MAN2B1: variants seen among roughly 807,000 people sequenced by gnomAD.
MAN2B1 encodes the protein mannosidase alpha class 2B member 1, also known as lysosomal alpha-mannosidase.
MAN2B1 carries 99 observed loss-of-function variants against 127.5 expected under a neutral mutation model. The ratio of observed to expected loss-of-function variants is 0.78; its 90% CI spans 0.66 to 0.92. The LOEUF (loss-of-function observed/expected upper bound fraction) is 0.92. Ranked by LOEUF, MAN2B1 falls within the 40% of genes least tolerant of loss-of-function variation. The pLI is 0.00. For missense variants in MAN2B1, 1,304 were observed against 1,384.8 expected, an observed-to-expected ratio of 0.94 and a Z score of 0.93; for synonymous variants, 573 against 568.8, an observed-to-expected ratio of 1.01 and a Z score of -0.11.
chr19:12,647,466 C>T lies in MAN2B1; in HGVS notation c.2797G>A (p.Ala933Thr), dbSNP rs762841449. 3.1e-6 allele frequency: 5 copies of T among 1,614,206 alleles called. No individual in the cohort carries two copies. Among genetic ancestry groups the T allele is most frequent in the Non-Finnish European group, 4.2e-6 (5 of 1,180,044 alleles). Residue 933 changes from alanine to threonine, a missense_variant, in exon 22 of 24, where the codon GCC becomes ACC. Physicochemically the swap from Ala to Thr is moderately conservative, Grantham distance 58 (BLOSUM62 0). Transcript: ENST00000456935. This position sits in a 1 kb window ranked among gnomAD's most constrained non-coding sequence, Gnocchi z 4.9. Reference protein sequence around the residue: ...VGEDSGRNLSAPVTLNLRDLF... With the variant: ...VGEDSGRNLSTPVTLNLRDLF... ...ACCCTCAAGTTCAAGGTAACGGGGG[C>T]GCTCAGGTTACGTCCGGAATCCTCT... is the stretch of plus-strand genomic sequence containing the variant.
intron 10 of MAN2B1, 93 bp downstream of exon 10, chr19:12,657,954 CAAAAAAAAAAAAAAAA>C (rs35296973): frequency 6.2e-6 from 3 of 485,778 alleles, no homozygotes; most frequent in East Asian, 5.0e-5. Flanking sequence ...GACTCCGTCT[CAAAAAAAAAAAAAAAA>C]AAAAAAAAAA....
At position 12,656,564 on chromosome 19, in the gene MAN2B1, G is replaced by T; in HGVS notation, c.1644+7C>A. The T allele has an allele frequency of 6.2e-7, 1 of 1,605,200 alleles. No homozygotes were observed. Among genetic ancestry groups the T allele is most frequent in the Non-Finnish European group, 8.5e-7 (1 of 1,171,940 alleles). The stretch of plus-strand genomic sequence containing the variant: ...CCAGCGGGGGAATATTCGTTGTTTG[G>T]GCTCACATCGCTGGGCACTGTCCTG... On this transcript the variant is annotated splice_region_variant and intron_variant, in intron 13 of 23. Coordinates refer to ENST00000456935, the MANE Select transcript of MAN2B1 (RefSeq NM_000528.4).
At position 12,649,171 on chromosome 19, in the gene MAN2B1, C is replaced by A. The variant is rs142702682; in HGVS notation, c.2401G>T (p.Gly801Cys). ...AGCGAGCCATCTCTCAGGCTGCTGC[C>A]CCCCTGGGAGCGGTCAGTCAGCACA... Reference protein sequence around the residue: ...LTVLTDRSQGGSSLRDGSLEL... With the variant: ...LTVLTDRSQGCSSLRDGSLEL... Residue 801 changes from glycine (G) to cysteine (C), a missense_variant, in exon 20 of 24, where the codon GGC becomes TGC. Transcript: ENST00000456935. The A allele has an allele frequency of 3.8e-4, 616 of 1,612,658 alleles. 2 individuals carry two copies. The highest frequency in any genetic ancestry group is 4.0e-4 in the Non-Finnish European group (468 of 1,179,994).
chr19:12,663,921 A>G, intron 4 of MAN2B1, 86 bp from the exon 5 acceptor site: 2 of 1,566,036 alleles, frequency 1.3e-6, no homozygotes, highest in East Asian at 2.2e-5. Flanking sequence ...GGGGCAGGTC[A>G]GAGCACAGGT....
chr19:12,654,345 C>A (rs973960537), intron 14 of MAN2B1, among the ~76,000 whole-genome samples: 40 of 152,172 alleles, frequency 2.6e-4, no homozygotes, highest in African/African-American at 3.1e-4. Context: ...CCCGGCCCCC[C>A]CAACCTTATT....
intron 11 of MAN2B1, 35 bp from the exon 12 acceptor site, chr19:12,657,091 G>C (rs780659522): frequency 7.6e-7 from 1 of 1,316,344 alleles, no homozygotes; most frequent in Admixed American, 1.8e-5. Context: ...GTGGGTTCAG[G>C]ACGCCAGGCC....
chr19:12,653,479 C>T (rs1219810662), intron 14 of MAN2B1, among the ~76,000 whole-genome samples: 1 of 151,562 alleles, frequency 6.6e-6, no homozygotes, highest in Non-Finnish European at 1.5e-5. Context: ...TTTTTTAGGG[C>T]CGAGCGTGGT....
chr19:12,650,181 C>T lies in MAN2B1; in HGVS notation c.2088G>A (p.Trp696Ter), dbSNP rs764376758. The change falls in exon 17 of 24, where the codon TGG becomes TGA. Residue 696 changes from tryptophan (W) to a stop codon, truncating the protein, a stop_gained. Transcript: ENST00000456935. LOFTEE classifies it high-confidence loss of function. The part of the protein sequence containing the change: ...VQEVHQNFSA[W>*]CSQVVRLYPG... ...GGTACAGGCGAACCACCTGGGAACA[C>T]CAAGCTGAGAAGTTCTGGTGCACCT... 6.2e-7 allele frequency: 1 copy of T among 1,614,016 alleles called. No individual in the cohort carries two copies.
chr19:12,650,219 G>T lies in MAN2B1; in HGVS notation c.2050C>A (p.Pro684Thr), dbSNP rs2023810273. 1 of 1,605,728 alleles carries T rather than the reference G, an allele frequency of 6.2e-7. No individual in the cohort carries two copies. The highest frequency in any genetic ancestry group is 8.5e-7 in the Non-Finnish European group (1 of 1,172,814). Residue 684 changes from proline (P) to threonine (T), a missense_variant, in exon 17 of 24, where the codon CCC (proline) becomes ACC (threonine). Pro to Thr is a conservative substitution (Grantham distance 38). Transcript: ENST00000456935. ...RWAQIHLVKT[P>T]LVQEVHQNFS... is the part of the protein sequence containing the mutation. ...TTCTGGTGCACCTCCTGCACCAAGG[G>T]TGTCTGCGGGCACACGGGTGAGGTG... is the stretch of plus-strand genomic sequence containing the variant.
intron 6 of MAN2B1, 46 bp from the exon 7 acceptor site, chr19:12,661,422 C>A: frequency 8.0e-7 from 1 of 1,245,730 alleles, no homozygotes; most frequent in Non-Finnish European, 1.2e-6. Flanking sequence ...CCTGGGCCAT[C>A]CCTGTGTATA....
rs755681471 is a variant in MAN2B1, at chr19:12,647,583, T to A, written c.2680A>T (p.Arg894Trp). The change falls in exon 22 of 24, where the codon AGG (arginine) becomes TGG (tryptophan). Residue 894 changes from arginine to tryptophan, a missense_variant. Transcript: ENST00000456935. This position sits in a 1 kb window ranked among gnomAD's most constrained non-coding sequence, Gnocchi z 4.9. ...PPRTQFSGLR[R>W]DLPPSVHLLT... is the part of the protein sequence containing the mutation. ...AGGTGCACCGAGGGCGGCAGGTCCC[T>A]GCGCAGCCCTGAGAACTGCGGGAGA... 6.2e-7 allele frequency: 1 copy of A among 1,608,532 alleles called. No homozygotes were observed. Among genetic ancestry groups the A allele is most frequent in the South Asian group, 1.1e-5 (1 of 90,982 alleles).
At position 12,664,880 on chromosome 19, in the gene MAN2B1, T is replaced by C; in HGVS notation, c.542A>G (p.Asp181Gly). 1.2e-6 allele frequency: 2 copies of C among 1,614,118 alleles called. No homozygotes were observed. The highest frequency in any genetic ancestry group is 1.7e-6 in the Non-Finnish European group (2 of 1,180,012). Residue 181 changes from aspartate to glycine, a missense_variant, in exon 4 of 24, where the codon GAC (aspartate) becomes GGC (glycine). Coordinates refer to ENST00000456935, the MANE Select transcript of MAN2B1 (RefSeq NM_000528.4). ...GGGTCGCCCATCATTGCCAAATGTG[T>C]CCTCCAGAAAGCGCAGCCCAAGTGT... is the stretch of plus-strand genomic sequence containing the variant. ...QMTLGLRFLEDTFGNDGRPRV... is the reference protein window; with the variant it reads ...QMTLGLRFLEGTFGNDGRPRV...
chr19:12,665,248 A>T (rs1424372718), intron 3 of MAN2B1, 104 bp downstream of exon 3: 1 of 1,413,674 alleles, frequency 7.1e-7, no homozygotes, highest in Non-Finnish European at 9.9e-7. Flanking sequence ...AGCGACACGC[A>T]TGTTATACAG....
rs775989961 is a variant in MAN2B1, at chr19:12,656,654, T to G, written c.1561A>C (p.Lys521Gln). Residue 521 changes from lysine (K) to glutamine (Q), a missense_variant, in exon 13 of 24, where the codon AAG becomes CAG. Lys to Gln is a moderately conservative substitution (Grantham distance 53). Coordinates refer to ENST00000456935, the MANE Select transcript of MAN2B1 (RefSeq NM_000528.4). ...GGCAGCCGTACCATCCAATTCACCT[T>G]CCGCCCCAGGGGATTATAAACGATG... is the stretch of plus-strand genomic sequence containing the variant. ...QVIVYNPLGRKVNWMVRLPVS... is the reference protein window; with the variant it reads ...QVIVYNPLGRQVNWMVRLPVS... 6.2e-7 allele frequency: 1 copy of G among 1,613,854 alleles called. No individual in the cohort carries two copies. Among genetic ancestry groups the G allele is most frequent in the Admixed American group, 1.7e-5 (1 of 59,994 alleles).
intron 6 of MAN2B1, 34 bp from the exon 7 acceptor site, chr19:12,661,410 A>G: frequency 7.5e-7 from 1 of 1,334,808 alleles, no homozygotes; most frequent in Non-Finnish European, 1.1e-6. Flanking sequence ...AAGCCAGAGG[A>G]TCCTGGGCCA....
At chr19:12,656,911 C>T (rs1431726025) in intron 12 of MAN2B1, 38 bp downstream of exon 12, 2 of 1,503,638 alleles carry the variant, frequency 1.3e-6, no homozygotes, top group Admixed American at 3.4e-5. Flanking sequence ...CCTCTAAAGC[C>T]CATCTGCCCT....
chr19:12,650,190 G>A lies in MAN2B1; in HGVS notation c.2079C>T (p.Phe693=). 6.2e-7 allele frequency: 1 copy of A among 1,613,932 alleles called. No homozygotes were observed. The highest frequency in any genetic ancestry group is 1.1e-5 in the South Asian group (1 of 91,082). Reference sequence around the variant, plus strand: ...GAACCACCTGGGAACACCAAGCTGAGAAGTTCTGGTGCACCTCCTGCACCA... The same window carrying A: ...GAACCACCTGGGAACACCAAGCTGAAAAGTTCTGGTGCACCTCCTGCACCA... The part of the protein sequence containing the change: ...TPLVQEVHQN[F]SAWCSQVVRL... The change falls in exon 17 of 24, where the codon TTC becomes TTT. Residue 693 remains phenylalanine (F), a synonymous_variant. Transcript: ENST00000456935.
At position 12,647,715 on chromosome 19, in the gene MAN2B1, G is replaced by A. The variant is rs1029823733; in HGVS notation, c.2665-117C>T. 3.1e-5 allele frequency: 26 copies of A among 826,986 alleles called. No homozygotes were observed. The highest frequency in any genetic ancestry group is 8.5e-5 in the African/African-American group (5 of 58,592). The allele number at this position is 826,986 out of a possible 1,614,324, so 51.2% of individuals were successfully genotyped here. A position where few individuals can be genotyped will look rare whatever the true frequency, so the allele number is the denominator to read the frequency against. On this transcript the variant is annotated intron_variant, in intron 21 of 23. Coordinates refer to ENST00000456935, the MANE Select transcript of MAN2B1 (RefSeq NM_000528.4). The surrounding 1 kb of genome is among the most constrained non-coding windows in gnomAD (Gnocchi z 4.9). ...TGTAGGGGCGGGGTTTCGCCGGAGA[G>A]GGGCAAGGCTCAGCCGAGAGGAGCG...
intron 20 of MAN2B1, among the ~76,000 whole-genome samples, chr19:12,648,926 C>A (rs1205943315): frequency 6.6e-6 from 1 of 152,166 alleles, no homozygotes; most frequent in Non-Finnish European, 1.5e-5. Context: ...ACCCAGGAGG[C>A]AGAGGTTGCA....
Sources: allele counts gnomAD v4.1 joint callset (sites outside exome capture counted in the v4.1 genomes callset), GRCh38; gene constraint gnomAD v4.1.1; non-coding constraint Gnocchi (gnomAD v3.1); transcripts MANE v1.5; gene names NCBI Gene and HGNC (gene_info 2026-07-23, HGNC 2026-07-21).